The following USP43 variants were observed in gnomAD, a reference collection of about 807,000 sequenced individuals.
USP43 encodes the protein ubiquitin carboxyl-terminal hydrolase 43.
Under a neutral mutation model 90.7 loss-of-function variants are expected in USP43, and 33 were observed. The observed-to-expected ratio is 0.36, with a 90% CI of 0.28 to 0.49. The LOEUF (loss-of-function observed/expected upper bound fraction) is 0.49. Among genes scored for constraint, USP43 ranks in the 20% least tolerant of loss-of-function variants. The pLI is 0.98. For missense variants in USP43, 1,274 were observed against 1,476.4 expected, an observed-to-expected ratio of 0.86 and a Z score of 2.25; for synonymous variants, 598 against 615.8, an observed-to-expected ratio of 0.97 and a Z score of 0.43.
In USP43 at chr17:9,701,165, G is replaced by A; in HGVS notation, c.1582G>A (p.Val528Met). 6.5e-7 allele frequency: 1 copy of A among 1,534,716 alleles called. No homozygotes were observed. Among genetic ancestry groups the A allele is most frequent in the Non-Finnish European group, 8.8e-7 (1 of 1,138,602 alleles). The change falls in exon 11 of 15, where the codon GTG becomes ATG. Residue 528 changes from valine to methionine, a missense_variant. Around this residue, in one of 6 missense-constraint regions of USP43, gnomAD observed 253 missense variants for 276.0 expected, o/e 0.92. Transcript: ENST00000285199. This position sits in a 1 kb window ranked among gnomAD's most constrained non-coding sequence, Gnocchi z 7.2. ...QEERAQDADSVWQQQQAHQQH... is the reference protein window; with the variant it reads ...QEERAQDADSMWQQQQAHQQH... ...GGAGCGAGCGCAGGATGCCGACAGT[G>A]TGTGGCAGCAGCAGCAGGCGCATCA... is the stretch of plus-strand genomic sequence containing the variant.
chr17:9,647,082 GAAAAAAAAGA>G (rs1911475639), intron 1 of USP43: 2 of 112,130 alleles, frequency 1.8e-5, no homozygotes, highest in African/African-American at 7.1e-5. Flanking sequence ...AAAAAAAAAA[GAAAAAAAAGA>G]AAAAAAAAGA....
chr17:9,704,545 G>A (rs1915766868), intron 12 of USP43, among the ~76,000 whole-genome samples: 1 of 152,138 alleles, frequency 6.6e-6, no homozygotes, highest in Non-Finnish European at 1.5e-5. Flanking sequence ...TTGAACTCCT[G>A]GCCTCAAATG....
chr17:9,693,579 T>C (rs771228876), intron 9 of USP43, among the ~76,000 whole-genome samples: 1 of 152,176 alleles, frequency 6.6e-6, no homozygotes, highest in Non-Finnish European at 1.5e-5. Flanking sequence ...TTCACGCCTG[T>C]AATCCCAGCA....
At position 9,674,838 on chromosome 17, in the gene USP43, C is replaced by A. The variant is rs1913661141; in HGVS notation, c.741-53C>A. The A allele has an allele frequency of 6.9e-7, 1 of 1,459,118 alleles. No homozygotes were observed. The highest frequency in any genetic ancestry group is 1.1e-5 in the South Asian group (1 of 87,474). 90.4% of individuals were successfully genotyped at this position (1,459,118 alleles called of 1,614,324 possible). A position where few individuals can be genotyped will look rare whatever the true frequency, so the allele number is the denominator to read the frequency against. Reference sequence around the variant, plus strand: ...GGATAATTCTGTATTGAATTTTACCCCCAAATTGTTTACGTGTGATTAAAC... The same window carrying A: ...GGATAATTCTGTATTGAATTTTACCACCAAATTGTTTACGTGTGATTAAAC... On this transcript the variant is annotated intron_variant, in intron 3 of 14. Coordinates refer to ENST00000285199, the MANE Select transcript of USP43 (RefSeq NM_153210.5). The surrounding 1 kb of genome is among the most constrained non-coding windows in gnomAD (Gnocchi z 4.4).
At chr17:9,711,556 G>A (rs181582788) in intron 13 of USP43, among the ~76,000 whole-genome samples, 35 of 152,144 alleles carry the variant, frequency 2.3e-4, no homozygotes, top group African/African-American at 7.9e-4. Context: ...AGCCTCCTGA[G>A]TAACTAGGAT....
At chr17:9,679,074 T>C (rs1039754423) in intron 5 of USP43, among the ~76,000 whole-genome samples, 7 of 152,202 alleles carry the variant, frequency 4.6e-5, no homozygotes, top group South Asian at 2.1e-4. Flanking sequence ...GTTATTATTT[T>C]AGCTTTATAT....
chr17:9,718,303 T>C (rs1421410474), intron 14 of USP43, among the ~76,000 whole-genome samples: 6 of 152,152 alleles, frequency 3.9e-5, no homozygotes, highest in Non-Finnish European at 5.9e-5. Flanking sequence ...GCTGCAAAGA[T>C]TTACTACACC....
chr17:9,713,736 G>A (rs1247200734), intron 14 of USP43, among the ~76,000 whole-genome samples: 59 of 152,224 alleles, frequency 3.9e-4, no homozygotes, highest in Admixed American at 3.9e-3. Flanking sequence ...GGGGTGTGCA[G>A]TGTGAAGGAA....
intron 5 of USP43, among the ~76,000 whole-genome samples, chr17:9,679,676 A>G (rs1164527915): frequency 1.3e-5 from 2 of 151,670 alleles, no homozygotes; most frequent in East Asian, 1.9e-4. Flanking sequence ...CAGGCACCCA[A>G]AATGCATCTT....
At chr17:9,678,676 T>A (rs2151974492) in intron 5 of USP43, among the ~76,000 whole-genome samples, 1 of 152,308 alleles carries the variant, frequency 6.6e-6, no homozygotes. Flanking sequence ...TATTTATTTA[T>A]GTCATCTTAT....
At chr17:9,664,846 C>A (rs1912913047) in intron 2 of USP43, among the ~76,000 whole-genome samples, 1 of 152,140 alleles carries the variant, frequency 6.6e-6, no homozygotes, top group Non-Finnish European at 1.5e-5. Flanking sequence ...ACCGTGTTAG[C>A]CAGGATGGTC....
At chr17:9,676,979 A>C in intron 5 of USP43, 98 bp downstream of exon 5, 1 of 1,462,490 alleles carries the variant, frequency 6.8e-7, no homozygotes, top group Non-Finnish European at 9.2e-7. Flanking sequence ...TTCCCAGGTG[A>C]CTCCAGTATG....
At position 9,728,670 on chromosome 17, in the gene USP43, C is replaced by G; in HGVS notation, c.3052C>G (p.Pro1018Ala). The change falls in exon 15 of 15, where the codon CCA becomes GCA. Residue 1018 changes from proline (P) to alanine (A), a missense_variant. This residue lies in a region of USP43 where 353 missense variants were observed against 329.7 expected (regional missense o/e 1.07). Transcript: ENST00000285199. This position sits in a 1 kb window ranked among gnomAD's most constrained non-coding sequence, Gnocchi z 6.2. ...NRRNERAEVS[P>A]QVPPVSLVSG... Reference sequence around the variant, plus strand: ...GAGGAATGAGAGGGCAGAGGTCTCTCCACAGGTGCCCCCCGTCTCCCTGGT... The same window carrying G: ...GAGGAATGAGAGGGCAGAGGTCTCTGCACAGGTGCCCCCCGTCTCCCTGGT... 3 of 1,613,108 alleles carry G rather than the reference C, an allele frequency of 1.9e-6. No homozygotes were observed. Among genetic ancestry groups the G allele is most frequent in the Non-Finnish European group, 2.5e-6 (3 of 1,179,628 alleles).
At chr17:9,662,623 C>CA (rs894983575) in intron 2 of USP43, among the ~76,000 whole-genome samples, 8 of 152,080 alleles carry the variant, frequency 5.3e-5, no homozygotes, top group Non-Finnish European at 1.2e-4. Context: ...CTTGAGCCTC[C>CA]TAATCTGTGT....
intron 9 of USP43, among the ~76,000 whole-genome samples, chr17:9,697,153 C>T (rs1597864482): frequency 1.3e-5 from 2 of 152,086 alleles, no homozygotes; most frequent in Admixed American, 1.3e-4. Context: ...GGATGCGGAG[C>T]TTGCAGTGAG....
intron 1 of USP43, among the ~76,000 whole-genome samples, chr17:9,656,197 A>G (rs544263870): frequency 3.3e-5 from 5 of 152,158 alleles, no homozygotes; most frequent in African/African-American, 7.2e-5. Flanking sequence ...CTTCTCCCAT[A>G]TACAGAGACC....
chr17:9,677,293 T>G (rs1913846399), intron 5 of USP43, among the ~76,000 whole-genome samples: 1 of 152,218 alleles, frequency 6.6e-6, no homozygotes, highest in Non-Finnish European at 1.5e-5. Flanking sequence ...GTTAAGTGAC[T>G]TGCCCAACGT....
chr17:9,691,902 G>A (rs1318459392), intron 8 of USP43, among the ~76,000 whole-genome samples: 1 of 151,736 alleles, frequency 6.6e-6, no homozygotes, highest in Admixed American at 6.6e-5. Flanking sequence ...AATTAGCCGG[G>A]TGTGGTGGCG....
In USP43 at chr17:9,701,163, G is replaced by A; in HGVS notation, c.1580G>A (p.Ser527Asn). The change falls in exon 11 of 15, where the codon AGT (serine) becomes AAT (asparagine). Residue 527 changes from serine (S) to asparagine (N), a missense_variant. Physicochemically the swap from Ser to Asn is conservative, Grantham distance 46. Coordinates refer to ENST00000285199, the MANE Select transcript of USP43 (RefSeq NM_153210.5). The surrounding 1 kb of genome is among the most constrained non-coding windows in gnomAD (Gnocchi z 7.2). ...GAGGAGCGAGCGCAGGATGCCGACA[G>A]TGTGTGGCAGCAGCAGCAGGCGCAT... ...LQEERAQDAD[S>N]VWQQQQAHQQ... is the part of the protein sequence containing the mutation. 6.5e-7 allele frequency: 1 copy of A among 1,531,790 alleles called. No individual in the cohort carries two copies. The allele number at this position is 1,531,790 out of a possible 1,614,324, so 94.9% of individuals were successfully genotyped here.
Sources: allele counts gnomAD v4.1 joint callset (sites outside exome capture counted in the v4.1 genomes callset), GRCh38; gene constraint gnomAD v4.1.1; regional missense constraint gnomAD v4.1.1; non-coding constraint Gnocchi (gnomAD v3.1); transcripts MANE v1.5; gene names NCBI Gene and HGNC (gene_info 2026-07-23, HGNC 2026-07-21).